DOCK8: variants seen among roughly 807,000 people sequenced by gnomAD.
The protein encoded by DOCK8 is dedicator of cytokinesis protein 8.
A neutral mutation model predicts 245.6 loss-of-function variants in DOCK8; 141 were observed. That is an observed-to-expected ratio of 0.57 (90% CI 0.50 to 0.66). The LOEUF is 0.66. DOCK8 is among the 30% of genes least tolerant of loss of function. The pLI is 0.00. For missense variants in DOCK8, 2,965 were observed against 2,603.4 expected (o/e 1.14, Z -3.02); for synonymous variants, 1,168 against 970.2 (o/e 1.20, Z -3.79).
At chr9:251,623 T>G (rs961476711) in intron 1 of DOCK8, among the ~76,000 whole-genome samples, 1 of 152,200 alleles carries the variant, frequency 6.6e-6, no homozygotes, top group Admixed American at 6.5e-5. Flanking sequence ...ATCTTCTGTC[T>G]CCTTCCTTCT....
At chr9:408,907 T>C (rs1279343953) in intron 28 of DOCK8, among the ~76,000 whole-genome samples, 199 of 99,146 alleles carry the variant, frequency 2.0e-3, no homozygotes, top group African/African-American at 9.5e-3. Context: ...CGCGTGCACA[T>C]GCACACACAC....
chr9:244,187 GAAA>G (rs60148430), intron 1 of DOCK8, among the ~76,000 whole-genome samples: 6 of 88,418 alleles, frequency 6.8e-5, no homozygotes, highest in African/African-American at 1.8e-4. Flanking sequence ...GACTCCGTCT[GAAA>G]AAAAAAAAAA....
chr9:416,019 A>C (rs940467963), intron 29 of DOCK8, among the ~76,000 whole-genome samples: 1 of 152,266 alleles, frequency 6.6e-6, no homozygotes, highest in Non-Finnish European at 1.5e-5. Flanking sequence ...ATGAAAAGCA[A>C]GTATTCCTGT....
At chr9:262,648 G>C (rs184131219) in intron 1 of DOCK8, among the ~76,000 whole-genome samples, 2 of 151,678 alleles carry the variant, frequency 1.3e-5, no homozygotes, top group Admixed American at 1.3e-4. Flanking sequence ...GTGACAGAAA[G>C]CAAATTAGTA....
Position 215,125 on chromosome 9 carries a change from A to C in DOCK8, c.53+96A>C, listed in dbSNP as rs1040980718. The C allele has an allele frequency of 2.0e-6, 3 of 1,481,152 alleles. No homozygotes were observed. The African/African-American group carries it at 4.4e-5, about 22-fold the overall frequency. The allele number at this position is 1,481,152 out of a possible 1,614,324, so 91.8% of individuals were successfully genotyped here. A position where few individuals can be genotyped will look rare whatever the true frequency, so the allele number is the denominator to read the frequency against. ...GCAGGGGCCGAGGCCGGACGAGTCC[A>C]TTCGCGTCCGCGGCGGGGCGCGCCT... On this transcript the variant is annotated intron_variant, in intron 1 of 47. Coordinates refer to ENST00000432829, the MANE Select transcript of DOCK8 (RefSeq NM_203447.4).
At chr9:309,363 T>G (rs1054289939) in intron 5 of DOCK8, among the ~76,000 whole-genome samples, 2 of 152,144 alleles carry the variant, frequency 1.3e-5, no homozygotes, top group African/African-American at 4.8e-5. Context: ...AGTACTTTTG[T>G]GAGGTAGATG....
intron 25 of DOCK8, among the ~76,000 whole-genome samples, chr9:398,270 G>T (rs1360031311): frequency 6.6e-6 from 1 of 152,230 alleles, no homozygotes; most frequent in Admixed American, 6.5e-5. Flanking sequence ...GCCATGTGGA[G>T]AATGCGGAGA....
rs535760885 is a variant in DOCK8, at chr9:412,897, A to G, written c.3531-1885A>G. Among the ~76,000 whole-genome samples, 3 of 151,456 alleles carry G rather than the reference A, an allele frequency of 2.0e-5. No individual in the cohort carries two copies. In the South Asian group the frequency reaches 6.2e-4, roughly 31 times the overall value. The stretch of plus-strand genomic sequence containing the variant: ...TTGCTTTTTTTTTTTTTTGGCAGAA[A>G]TTAGCAAACTGATCCTAAAATTCGT... On this transcript the variant is annotated intron_variant, in intron 28 of 47. Transcript: ENST00000432829.
intron 23 of DOCK8, 35 bp downstream of exon 23, chr9:386,461 A>G (rs368650642): frequency 1.9e-6 from 3 of 1,580,618 alleles, no homozygotes; most frequent in Non-Finnish European, 2.6e-6. Flanking sequence ...TCATCCCAGG[A>G]TAAGAACAGA....
At chr9:403,958 A>ATATATATATATATATG (rs1554694156) in intron 26 of DOCK8, among the ~76,000 whole-genome samples, 1 of 75,634 alleles carries the variant, frequency 1.3e-5, no homozygotes, top group Admixed American at 1.4e-4. Flanking sequence ...ATATATATAT[A>ATATATATATATATATG]TGTATATATA....
chr9:351,429 G>A (rs953574687), intron 14 of DOCK8, among the ~76,000 whole-genome samples: 3 of 152,176 alleles, frequency 2.0e-5, no homozygotes, highest in African/African-American at 7.2e-5. Context: ...AATCACCAAG[G>A]CTAGAAGATA....
Position 299,223 on chromosome 9 carries a change from A to G in DOCK8, c.405-5358A>G, listed in dbSNP as rs1009512605. Among the ~76,000 whole-genome samples, 6 of 152,236 alleles carry G rather than the reference A, an allele frequency of 3.9e-5. 1 individual carries two copies. In the South Asian group the frequency reaches 1.0e-3, roughly 26 times the overall value. On this transcript the variant is annotated intron_variant, in intron 4 of 47. Transcript: ENST00000432829. ...AGAGTCCAAAACAGTCACTTCATGTACTAGGAAAGTTTACCCAGTCAGCAC... is the reference window on the plus strand; with the variant it reads ...AGAGTCCAAAACAGTCACTTCATGTGCTAGGAAAGTTTACCCAGTCAGCAC...
chr9:420,179 A>G, intron 30 of DOCK8: 1 of 598,590 alleles, frequency 1.7e-6, no homozygotes, highest in South Asian at 1.9e-5. Flanking sequence ...ATACTGCCCC[A>G]GGTGAGCCTC....
intron 1 of DOCK8, among the ~76,000 whole-genome samples, chr9:236,212 A>G (rs993225017): frequency 2.6e-5 from 4 of 152,136 alleles, no homozygotes; most frequent in African/African-American, 7.2e-5. Flanking sequence ...GATGACTCCT[A>G]AAACTCTGTA....
intron 8 of DOCK8, among the ~76,000 whole-genome samples, chr9:326,388 A>G (rs2050769447): frequency 6.6e-6 from 1 of 152,220 alleles, no homozygotes; most frequent in African/African-American, 2.4e-5. Flanking sequence ...CTGCTAAAAC[A>G]AGCAGAACCC....
At chr9:400,346 C>CCACCACCTCCTCCACCAT (rs2054839348) in intron 26 of DOCK8, among the ~76,000 whole-genome samples, 2 of 78,394 alleles carry the variant, frequency 2.6e-5, no homozygotes, top group Non-Finnish European at 4.7e-5. Context: ...TCCTCCACCA[C>CCACCACCTCCTCCACCAT]CACCACCTCC....
At chr9:306,154 A>G (rs933468895) in intron 5 of DOCK8, among the ~76,000 whole-genome samples, 4 of 152,234 alleles carry the variant, frequency 2.6e-5, no homozygotes, top group Non-Finnish European at 2.9e-5. Context: ...TATAGTTTTC[A>G]GCTTCCATGT....
At chr9:243,883 A>G (rs1180335507) in intron 1 of DOCK8, among the ~76,000 whole-genome samples, 6 of 152,028 alleles carry the variant, frequency 3.9e-5, no homozygotes, top group Admixed American at 2.0e-4. Context: ...TCTTATTGAC[A>G]TGATTTTAAT....
In DOCK8 at chr9:347,363, A is replaced by C. The variant is rs2051944594; in HGVS notation, c.1679+7042A>C. 2.0e-5 allele frequency among the ~76,000 whole-genome samples: 3 copies of C among 151,926 alleles called. No individual in the cohort carries two copies. In the South Asian group the frequency reaches 6.2e-4, roughly 32 times the overall value. ...TACAACAACAACAAAAAAATTAGCC[A>C]GGGGTGGGGGTCCACACCTGCAGTC... On this transcript the variant is annotated intron_variant, in intron 14 of 47. Coordinates refer to ENST00000432829, the MANE Select transcript of DOCK8 (RefSeq NM_203447.4).
Sources: gnomAD v4.1 joint callset for allele counts (sites outside exome capture counted in the v4.1 genomes callset) on GRCh38, gnomAD v4.1.1 for gene constraint, MANE v1.5 for transcripts, NCBI Gene and HGNC (gene_info 2026-07-23, HGNC 2026-07-21) for gene names.